The following NEGR1 variants were observed in gnomAD, a reference collection of about 807,000 sequenced individuals.
The protein encoded by NEGR1 is IgLON family member 4.
A neutral mutation model predicts 40.9 loss-of-function variants in NEGR1; 10 were observed. The observed-to-expected ratio is 0.24, with a 90% CI of 0.15 to 0.42. The LOEUF (loss-of-function observed/expected upper bound fraction) is 0.42, where lower values mean the gene tolerates loss of function less well. Ranked by LOEUF, NEGR1 falls within the 10% of genes least tolerant of loss-of-function variation. The pLI is 1.00. For synonymous variants in NEGR1, 185 were observed against 166.8 expected, an observed-to-expected ratio of 1.11 and a Z score of -0.84; for missense variants, 352 against 438.9, an observed-to-expected ratio of 0.80 and a Z score of 1.77.
intron 2 of NEGR1, among the ~76,000 whole-genome samples, chr1:71,907,398 G>T (rs1661306872): frequency 1.3e-5 from 2 of 152,152 alleles, no homozygotes; most frequent in Non-Finnish European, 2.9e-5. Flanking sequence ...ATTTGAAAAA[G>T]ACAAAAGTTA....
chr1:71,434,327 A>G (rs1646492119), intron 6 of NEGR1, among the ~76,000 whole-genome samples: 1 of 152,216 alleles, frequency 6.6e-6, no homozygotes, highest in Non-Finnish European at 1.5e-5. Context: ...TACTCAGTCC[A>G]GGGAAAATAA....
intron 1 of NEGR1, among the ~76,000 whole-genome samples, chr1:72,112,146 C>CATAA (rs1649396073): frequency 6.6e-6 from 1 of 151,324 alleles, no homozygotes; most frequent in African/African-American, 2.4e-5. Context: ...CATAAAGAAA[C>CATAA]CTATTTAATT....
chr1:71,537,806 C>T (rs1478537070), intron 6 of NEGR1, among the ~76,000 whole-genome samples: 1 of 151,712 alleles, frequency 6.6e-6, no homozygotes, highest in Non-Finnish European at 1.5e-5. Context: ...GGTTTTTGAG[C>T]TCCTGTTTTG....
chr1:71,790,539 G>T lies in NEGR1; in HGVS notation c.410-14242C>A, dbSNP rs190991520. 1.6e-3 allele frequency among the ~76,000 whole-genome samples: 241 copies of T among 152,102 alleles called. 2 individuals carry two copies. Among genetic ancestry groups the T allele is most frequent in the Non-Finnish European group, 3.7e-4 (25 of 67,952 alleles). On this transcript the variant is annotated intron_variant, in intron 2 of 6. Coordinates refer to ENST00000357731, the MANE Select transcript of NEGR1 (RefSeq NM_173808.3). Reference sequence around the variant, plus strand: ...TTTACATAAATATAAAAAATGCAAGGAAGGAGAAGAGTATTTGCATTTGCT... The same window carrying T: ...TTTACATAAATATAAAAAATGCAAGTAAGGAGAAGAGTATTTGCATTTGCT...
rs184654931 is a variant in NEGR1, at chr1:71,661,812, A to G, written c.667+36196T>C. On this transcript the variant is annotated intron_variant, in intron 4 of 6. Coordinates refer to ENST00000357731, the MANE Select transcript of NEGR1 (RefSeq NM_173808.3). ...TACCTCTTAGTAGTTCTACAGCTTCAGGCTAGGTGCTTAGAAGAAACTGTA... is the reference window on the plus strand; with the variant it reads ...TACCTCTTAGTAGTTCTACAGCTTCGGGCTAGGTGCTTAGAAGAAACTGTA... 5.5e-3 allele frequency among the ~76,000 whole-genome samples: 830 copies of G among 152,284 alleles called. 5 individuals carry two copies. Among genetic ancestry groups the G allele is most frequent in the Non-Finnish European group, 8.9e-3 (603 of 68,018 alleles).
chr1:71,683,942 T>C (rs1461501116), intron 4 of NEGR1, among the ~76,000 whole-genome samples: 1 of 152,152 alleles, frequency 6.6e-6, no homozygotes, highest in Non-Finnish European at 1.5e-5. Flanking sequence ...AAAAATTCTG[T>C]AGATGAACAA....
At chr1:71,919,357 G>A (rs1661692797) in intron 2 of NEGR1, among the ~76,000 whole-genome samples, 1 of 152,140 alleles carries the variant, frequency 6.6e-6, no homozygotes, top group Non-Finnish European at 1.5e-5. Flanking sequence ...AGTAATGCTA[G>A]ACAATGTTCA....
chr1:71,627,044 G>C (rs1282274213), intron 4 of NEGR1, among the ~76,000 whole-genome samples: 1 of 152,150 alleles, frequency 6.6e-6, no homozygotes, highest in African/African-American at 2.4e-5. Flanking sequence ...TTACACTGTT[G>C]GTGGGACTGT....
At chr1:71,585,800 A>G (rs1649288695) in intron 6 of NEGR1, among the ~76,000 whole-genome samples, 1 of 151,334 alleles carries the variant, frequency 6.6e-6, no homozygotes, top group Non-Finnish European at 1.5e-5. Context: ...TACATAGTGC[A>G]TTAACAAATG....
At chr1:72,099,947 G>T (rs11209910) in intron 1 of NEGR1, among the ~76,000 whole-genome samples, 9,589 of 151,328 alleles carry the variant, frequency 0.063, 565 homozygotes, top group East Asian at 0.34. Flanking sequence ...ATCTTAAGTG[G>T]CAAACATTCT....
intron 1 of NEGR1, among the ~76,000 whole-genome samples, chr1:72,210,146 T>A (rs1653546501): frequency 6.6e-6 from 1 of 151,904 alleles, no homozygotes; most frequent in Admixed American, 6.6e-5. Flanking sequence ...CTGAATTTCA[T>A]TTACTCCATA....
chr1:71,413,590 T>C (rs1175225217), intron 6 of NEGR1, among the ~76,000 whole-genome samples: 1 of 152,200 alleles, frequency 6.6e-6, no homozygotes, highest in Non-Finnish European at 1.5e-5. Flanking sequence ...AGTCAGAGGA[T>C]ATGACCTCTT....
At chr1:72,215,028 T>C (rs553498340) in intron 1 of NEGR1, among the ~76,000 whole-genome samples, 5 of 152,078 alleles carry the variant, frequency 3.3e-5, no homozygotes, top group African/African-American at 1.2e-4. Context: ...CAGAGACCAA[T>C]GAAACTGAAC....
chr1:72,096,405 G>T (rs989659948), intron 1 of NEGR1, among the ~76,000 whole-genome samples: 4 of 151,938 alleles, frequency 2.6e-5, no homozygotes, highest in African/African-American at 7.3e-5. Context: ...AATTTGGTGT[G>T]ATCTTCTGAA....
In NEGR1 at chr1:71,750,048, C is replaced by T. The variant is rs1011883299; in HGVS notation, c.535+26124G>A. ...GTCGCCCAGGCCGGACTGCGGACTG[C>T]AGTGGCGCAATCTCGGCTCACTGCA... is the stretch of plus-strand genomic sequence containing the variant. On this transcript the variant is annotated intron_variant, in intron 3 of 6. Coordinates refer to ENST00000357731, the MANE Select transcript of NEGR1 (RefSeq NM_173808.3). 1.3e-4 allele frequency among the ~76,000 whole-genome samples: 19 copies of T among 149,826 alleles called. 1 individual carries two copies. The highest frequency in any genetic ancestry group is 4.5e-4 in the African/African-American group (18 of 40,384).
At chr1:72,266,178 G>A (rs1465340735) in intron 1 of NEGR1, among the ~76,000 whole-genome samples, 1 of 150,780 alleles carries the variant, frequency 6.6e-6, no homozygotes, top group East Asian at 1.9e-4. Flanking sequence ...GTGAGTAATT[G>A]ACATAACATT....
At chr1:72,006,343 G>T (rs1032514477) in intron 1 of NEGR1, among the ~76,000 whole-genome samples, 14 of 152,042 alleles carry the variant, frequency 9.2e-5, no homozygotes, top group Admixed American at 5.2e-4. Flanking sequence ...AGGCCTTCTG[G>T]ACCACGTAGG....
intron 1 of NEGR1, among the ~76,000 whole-genome samples, chr1:72,129,006 T>C (rs1650138475): frequency 6.6e-6 from 1 of 152,166 alleles, no homozygotes. Context: ...TCTCTGGCTT[T>C]TGGACTTGAG....
At chr1:71,544,321 G>C (rs1045609115) in intron 6 of NEGR1, among the ~76,000 whole-genome samples, 5 of 151,618 alleles carry the variant, frequency 3.3e-5, no homozygotes, top group Non-Finnish European at 7.4e-5. Flanking sequence ...TGCAAACCTT[G>C]GGTTTGGGAA....
Sources: allele counts gnomAD v4.1 joint callset (sites outside exome capture counted in the v4.1 genomes callset), GRCh38; gene constraint gnomAD v4.1.1; transcripts MANE v1.5; gene names NCBI Gene and HGNC (gene_info 2026-07-23, HGNC 2026-07-21).